AMPD3: variants seen among roughly 807,000 people sequenced by gnomAD.
AMPD3 encodes AMP deaminase 3.
AMPD3 carries 57 observed loss-of-function variants against 82.3 expected under a neutral mutation model. The ratio of observed to expected loss-of-function variants is 0.69; its 90% CI spans 0.56 to 0.86. The LOEUF (loss-of-function observed/expected upper bound fraction) is 0.86. Ranked by LOEUF, AMPD3 falls within the 40% of genes least tolerant of loss-of-function variation. The pLI is 0.00. For missense variants in AMPD3, 870 were observed against 1,003.8 expected (o/e 0.87, Z 1.80); for synonymous variants, 381 against 394.7 (o/e 0.97, Z 0.41).
intron 2 of AMPD3, among the ~76,000 whole-genome samples, chr11:10,468,154 T>C (rs1848475877): frequency 6.6e-6 from 1 of 152,154 alleles, no homozygotes. Flanking sequence ...CAGGATCAAA[T>C]TCACACGTAA....
At chr11:10,478,775 C>A in intron 3 of AMPD3, 45 bp downstream of exon 3, 1 of 1,594,130 alleles carries the variant, frequency 6.3e-7, no homozygotes, top group Non-Finnish European at 8.5e-7. Context: ...CATGCAAAGG[C>A]CAGGGGCCCC....
Position 10,455,984 on chromosome 11 carries a change from A to C in AMPD3, c.-6+536A>C, listed in dbSNP as rs887446300. 9 of 985,196 alleles carry C rather than the reference A, an allele frequency of 9.1e-6. No homozygotes were observed. In the African/African-American group the frequency reaches 1.6e-4, roughly 17 times the overall value. 61.0% of individuals were successfully genotyped at this position (985,196 alleles called of 1,614,324 possible). On this transcript the variant is annotated intron_variant, in intron 1 of 14. Coordinates refer to ENST00000396553, the MANE Select transcript of AMPD3 (RefSeq NM_001025389.2). ...CAGGAGGAGGCTGGGCGTTAGAGGG[A>C]GGCTGTGGCTTATCTCCTGCAGCTG...
At chr11:10,496,599 T>C (rs1011166695) in intron 9 of AMPD3, 1 of 968,316 alleles carries the variant, frequency 1.0e-6, no homozygotes, top group African/African-American at 1.8e-5. Flanking sequence ...CTGATGGGCA[T>C]GGGTAGGTGT....
chr11:10,461,330 C>A, intron 1 of AMPD3, 185 bp from the exon 2 acceptor site: 2 of 1,582,192 alleles, frequency 1.3e-6, no homozygotes, highest in Non-Finnish European at 1.7e-6. Context: ...GCCCTACATG[C>A]TTCACATCCA....
intron 13 of AMPD3, chr11:10,504,152 A>G: frequency 1.5e-6 from 1 of 687,798 alleles, no homozygotes; most frequent in African/African-American, 2.0e-5. Context: ...CTATCTATTT[A>G]TCTATCTATC....
At chr11:10,454,413 A>G (rs2133804548), upstream of AMPD3, among the ~76,000 whole-genome samples, 1 of 152,322 alleles carries the variant, frequency 6.6e-6, no homozygotes, top group East Asian at 1.9e-4. Flanking sequence ...AGCCGATACC[A>G]CAAGATATTA....
chr11:10,505,131 T>C (rs1849681972), intron 14 of AMPD3: 1 of 985,270 alleles, frequency 1.0e-6, no homozygotes, highest in South Asian at 4.7e-5. Context: ...ATCTAGACTA[T>C]GGGACTCAGA....
At chr11:10,499,740 C>T in intron 10 of AMPD3, 1 of 985,456 alleles carries the variant, frequency 1.0e-6, no homozygotes, top group Non-Finnish European at 1.2e-6. Context: ...TCCCTGCAGG[C>T]TGGCCTCGGC....
chr11:10,473,142 C>A (rs138566331), intron 2 of AMPD3, among the ~76,000 whole-genome samples: 1 of 152,154 alleles, frequency 6.6e-6, no homozygotes, highest in Non-Finnish European at 1.5e-5. Flanking sequence ...TGGTGGTGTG[C>A]GCCTATGGTT....
chr11:10,501,986 C>T (rs766349803), intron 12 of AMPD3: 6 of 985,428 alleles, frequency 6.1e-6, no homozygotes, highest in African/African-American at 1.7e-5. Context: ...TATCTATGCT[C>T]CTTTTTCCAA....
Position 10,486,532 on chromosome 11 carries a change from T to A in AMPD3, c.810-703T>A, listed in dbSNP as rs1849075089. ...ATCATGGGCCCCTTCTCTGAGTTGGTGGGAATCTGGGGGCATCAGTCCTTA... is the reference window on the plus strand; with the variant it reads ...ATCATGGGCCCCTTCTCTGAGTTGGAGGGAATCTGGGGGCATCAGTCCTTA... On this transcript the variant is annotated intron_variant, in intron 5 of 14. Coordinates refer to ENST00000396553, the MANE Select transcript of AMPD3 (RefSeq NM_001025389.2). The A allele has an allele frequency of 3.1e-6, 3 of 982,884 alleles. No homozygotes were observed. In the African/African-American group the frequency reaches 5.3e-5, roughly 17 times the overall value. 60.9% of individuals were successfully genotyped at this position (982,884 alleles called of 1,614,324 possible).
intron 1 of AMPD3, chr11:10,461,057 A>G (rs1209002249): frequency 8.6e-7 from 1 of 1,164,766 alleles, no homozygotes; most frequent in Non-Finnish European, 1.1e-6. Context: ...CTCTGCTGTA[A>G]TCTTGTGCGA....
chr11:10,450,741 C>G (rs2133795402), upstream of AMPD3: 2 of 1,132,558 alleles, frequency 1.8e-6, no homozygotes, highest in African/African-American at 3.3e-5. Flanking sequence ...CCTCTCGGCT[C>G]TCTCTGCTCC....
rs1157337152 is a variant in AMPD3 at position 10,506,431 on chromosome 11, C to A, written c.*547C>A. 3 of 172,080 alleles carry A rather than the reference C, an allele frequency of 1.7e-5. No homozygotes were observed. Among genetic ancestry groups the A allele is most frequent in the Non-Finnish European group, 1.3e-5 (1 of 79,252 alleles). The allele number at this position is 172,080 out of a possible 1,614,324, so 10.7% of individuals were successfully genotyped here. On this transcript the variant is annotated 3_prime_UTR_variant, in exon 15 of 15. Transcript: ENST00000396553. This position sits in a 1 kb window ranked among gnomAD's most constrained non-coding sequence, Gnocchi z 4.1. The stretch of plus-strand genomic sequence containing the variant: ...TAAACCGTTTTATTTAGCCCTCCTT[C>A]CCTCTTTCTAGTTGGAAGCCAAATG...
intron 6 of AMPD3, among the ~76,000 whole-genome samples, chr11:10,492,254 T>C (rs985392187): frequency 2.0e-5 from 3 of 152,246 alleles, no homozygotes; most frequent in Non-Finnish European, 4.4e-5. Context: ...ACTGTTCATT[T>C]CTGCTTCTTA....
intron 7 of AMPD3, chr11:10,493,791 G>A: frequency 3.5e-6 from 2 of 578,550 alleles, no homozygotes; most frequent in Middle Eastern, 2.8e-4. Flanking sequence ...CCACTTAGGA[G>A]TTTTGTGCCC....
intron 4 of AMPD3, chr11:10,484,600 A>G (rs995562994): frequency 5.2e-5 from 40 of 771,526 alleles, no homozygotes; most frequent in Non-Finnish European, 6.3e-5. Flanking sequence ...TTTCTATTGG[A>G]GTGGAGAAGA....
chr11:10,503,966 T>C, intron 13 of AMPD3: 3 of 985,410 alleles, frequency 3.0e-6, no homozygotes, highest in Non-Finnish European at 2.4e-6. Flanking sequence ...ACAGACGGCT[T>C]GTGATGAATA....
At chr11:10,474,039 C>T (rs930818582) in intron 2 of AMPD3, among the ~76,000 whole-genome samples, 1 of 152,172 alleles carries the variant, frequency 6.6e-6, no homozygotes, top group African/African-American at 2.4e-5. Context: ...GACCCCATTG[C>T]TCCACTGCTC....
Sources: gnomAD v4.1 joint callset for allele counts (sites outside exome capture counted in the v4.1 genomes callset) on GRCh38, gnomAD v4.1.1 for gene constraint, Gnocchi (gnomAD v3.1) non-coding constraint, MANE v1.5 for transcripts, NCBI Gene and HGNC (gene_info 2026-07-23, HGNC 2026-07-21) for gene names.